BAZ2B: variants seen among roughly 807,000 people sequenced by gnomAD.
The protein encoded by BAZ2B is bromodomain adjacent to zinc finger domain protein 2B.
A neutral mutation model predicts 246.0 loss-of-function variants in BAZ2B; 91 were observed. The ratio of observed to expected loss-of-function variants is 0.37; its 90% CI spans 0.31 to 0.44. BAZ2B has a LOEUF of 0.44. Ranked by LOEUF, BAZ2B falls within the 20% of genes least tolerant of loss-of-function variation. The probability of loss-of-function intolerance (pLI) is 1.00; values close to 1 mark genes in which losing one functional copy is unlikely to be tolerated. For missense variants in BAZ2B, 2,332 were observed against 2,533.7 expected, an observed-to-expected ratio of 0.92 and a Z score of 1.71; for synonymous variants, 855 against 860.0, an observed-to-expected ratio of 0.99 and a Z score of 0.10.
intron 1 of BAZ2B, among the ~76,000 whole-genome samples, chr2:159,590,788 C>T (rs1689228136): frequency 6.6e-6 from 1 of 152,052 alleles, no homozygotes; most frequent in Non-Finnish European, 1.5e-5. Flanking sequence ...TTAGCAATCT[C>T]TAGTAGTTCT....
At chr2:159,650,218 T>C in the BAZ2B span, among the ~76,000 whole-genome samples, 9,494 of 151,854 alleles carry the variant, frequency 0.063, 962 homozygotes, top group African/African-American at 0.22. Context: ...TTTTTGCTTG[T>C]TTCCATGCCT....
the BAZ2B span, among the ~76,000 whole-genome samples, chr2:159,683,140 C>CA: frequency 6.6e-6 from 1 of 152,122 alleles, no homozygotes; most frequent in Non-Finnish European, 1.5e-5. Flanking sequence ...TCCAAGACAC[C>CA]AAGCAGCATG....
intron 13 of BAZ2B, among the ~76,000 whole-genome samples, chr2:159,424,694 A>G (rs1241569636): frequency 6.6e-6 from 1 of 152,202 alleles, no homozygotes; most frequent in African/African-American, 2.4e-5. Context: ...ACCTCCCTCT[A>G]TGAATACCAG....
At chr2:159,403,038 C>T (rs2065333290) in intron 16 of BAZ2B, among the ~76,000 whole-genome samples, 1 of 152,106 alleles carries the variant, frequency 6.6e-6, no homozygotes, top group Non-Finnish European at 1.5e-5. Flanking sequence ...TGCCTGTGTG[C>T]CTCCTGCTTT....
At chr2:159,392,178 G>GAA (rs1409218879) in intron 20 of BAZ2B, 1 of 152,130 alleles carries the variant, frequency 6.6e-6, no homozygotes, top group Non-Finnish European at 1.5e-5. Flanking sequence ...TAATGACGAT[G>GAA]AAGCAACAAC....
chr2:159,405,192 G>A (rs940795643), intron 14 of BAZ2B, 78 bp from the exon 15 acceptor site: 2 of 1,246,172 alleles, frequency 1.6e-6, no homozygotes, highest in Non-Finnish European at 2.3e-6. Context: ...TGTGAAAATG[G>A]TATCATCATA....
At chr2:159,704,691 A>C in the BAZ2B span, among the ~76,000 whole-genome samples, 1 of 151,940 alleles carries the variant, frequency 6.6e-6, no homozygotes, top group South Asian at 2.1e-4. Context: ...TATGTTGGCC[A>C]GACTGGTCTC....
At chr2:159,665,171 A>G in the BAZ2B span, among the ~76,000 whole-genome samples, 1 of 103,268 alleles carries the variant, frequency 9.7e-6, no homozygotes. Context: ...TTCAAGGAGA[A>G]CTACAAACCA....
intron 2 of BAZ2B, among the ~76,000 whole-genome samples, chr2:159,519,977 C>T (rs1435884924): frequency 6.6e-6 from 1 of 151,780 alleles, no homozygotes; most frequent in Non-Finnish European, 1.5e-5. Flanking sequence ...ACTCTGTCTT[C>T]ACATTCAGTT....
chr2:159,478,041 C>T (rs182739917), intron 3 of BAZ2B, among the ~76,000 whole-genome samples: 3 of 152,252 alleles, frequency 2.0e-5, no homozygotes, highest in Admixed American at 1.3e-4. Flanking sequence ...AGGCTGGTCT[C>T]GAACTCCTGA....
At chr2:159,370,906 A>G (rs923985638) in intron 27 of BAZ2B, among the ~76,000 whole-genome samples, 9 of 149,376 alleles carry the variant, frequency 6.0e-5, no homozygotes, top group Non-Finnish European at 8.9e-5. Context: ...CCTGGCTTCA[A>G]GCGATTCTCC....
chr2:159,689,277 C>A, the BAZ2B span: 1 of 468,018 alleles, frequency 2.1e-6, no homozygotes, highest in South Asian at 1.9e-5. Flanking sequence ...ACACCTGTCT[C>A]ATCCCCAGTG....
In BAZ2B at chr2:159,354,127, T is replaced by C. The variant is rs117586426; in HGVS notation, c.4214-3770A>G. ...TAACTTTAGATAATGTATTAGTTAG[T>C]AGTGGAGTACTAATATTTGTATTCT... On this transcript the variant is annotated intron_variant, in intron 27 of 36. Transcript: ENST00000392783. Among the ~76,000 whole-genome samples the C allele has an allele frequency of 2.2e-4, 33 of 152,308 alleles. No homozygotes were observed. The East Asian group carries it at 4.8e-3, about 22-fold the overall frequency.
the BAZ2B span, among the ~76,000 whole-genome samples, chr2:159,709,686 C>G: frequency 2.7e-3 from 407 of 152,300 alleles, 2 homozygotes; most frequent in African/African-American, 9.2e-3. Context: ...TACAACTACC[C>G]TTGCCAAAGA....
chr2:159,672,738 G>A, the BAZ2B span, among the ~76,000 whole-genome samples: 3 of 152,106 alleles, frequency 2.0e-5, no homozygotes, highest in African/African-American at 7.2e-5. Context: ...ATGCAATAAA[G>A]GGGTTATCTC....
chr2:159,416,143 C>T (rs929418978), intron 13 of BAZ2B, among the ~76,000 whole-genome samples: 6 of 152,060 alleles, frequency 3.9e-5, no homozygotes, highest in African/African-American at 1.4e-4. Context: ...CAAGAAAAGA[C>T]CGTCAGAAAA....
intron 13 of BAZ2B, among the ~76,000 whole-genome samples, 168 bp from the exon 14 acceptor site, chr2:159,412,713 A>T (rs2067013201): frequency 6.6e-6 from 1 of 152,246 alleles, no homozygotes; most frequent in South Asian, 2.1e-4. Context: ...ATAATTATTC[A>T]TGGCCTTTGG....
Position 159,439,051 on chromosome 2 carries a change from A to G in BAZ2B, c.858T>C (p.Asp286=), listed in dbSNP as rs772057552. ...GTTGTGCTTCACTCTCTGAATCAGA[A>G]TCATCATCTTCACTTTCTTCAATAC... is the stretch of plus-strand genomic sequence containing the variant. The part of the protein sequence containing the change: ...DQSIEESEDD[D]SDSESEAQHK... The change falls in exon 7 of 37, where the codon GAT becomes GAC. Residue 286 remains aspartate (D), a synonymous_variant. Coordinates refer to ENST00000392783, the MANE Select transcript of BAZ2B (RefSeq NM_013450.4). The G allele has an allele frequency of 1.9e-6, 3 of 1,613,838 alleles. No homozygotes were observed. The highest frequency in any genetic ancestry group is 1.7e-6 in the Non-Finnish European group (2 of 1,179,952).
At chr2:159,387,139 T>G (rs1164550647) in intron 21 of BAZ2B, among the ~76,000 whole-genome samples, 3 of 152,108 alleles carry the variant, frequency 2.0e-5, no homozygotes, top group African/African-American at 7.2e-5. Context: ...CTATGGCTAA[T>G]GAATGCAGAT....
Sources: allele counts gnomAD v4.1 joint callset (sites outside exome capture counted in the v4.1 genomes callset), GRCh38; gene constraint gnomAD v4.1.1; transcripts MANE v1.5; gene names NCBI Gene and HGNC (gene_info 2026-07-23, HGNC 2026-07-21).